Variants in IL1RAPL2 observed in about 807,000 individuals in gnomAD.
IL1RAPL2 encodes X-linked interleukin-1 receptor accessory protein-like 2.
A neutral mutation model predicts 44.1 loss-of-function variants in IL1RAPL2; 3 were observed. That is an observed-to-expected ratio of 0.07 (90% CI 0.03 to 0.18). IL1RAPL2 has a LOEUF of 0.18. Among genes scored for constraint, IL1RAPL2 ranks in the 10% least tolerant of loss-of-function variants. The pLI is 1.00. For synonymous variants in IL1RAPL2, 181 were observed against 178.8 expected (o/e 1.01, Z -0.10); for missense variants, 391 against 496.4 (o/e 0.79, Z 2.02).
intron 2 of IL1RAPL2, among the ~76,000 whole-genome samples, chrX:104,766,038 G>A (rs1280762728): frequency 8.9e-6 from 1 of 112,147 alleles, no homozygotes; most frequent in Non-Finnish European, 1.9e-5. Flanking sequence ...ATATTAGCTG[G>A]GAAAAGTACA....
At chrX:104,592,957 C>T (rs1180030129) in intron 1 of IL1RAPL2, among the ~76,000 whole-genome samples, 1 of 111,642 alleles carries the variant, frequency 9.0e-6, no homozygotes, top group African/African-American at 3.3e-5. Flanking sequence ...AGACAAATCC[C>T]ATCTCCCATG....
At chrX:105,699,279 G>GC (rs2038101333) in intron 6 of IL1RAPL2, among the ~76,000 whole-genome samples, 1 of 111,046 alleles carries the variant, frequency 9.0e-6, no homozygotes, top group Admixed American at 9.6e-5. Context: ...TCACCCAACT[G>GC]CCACAATATT....
At chrX:105,132,526 A>G (rs1368385457) in intron 2 of IL1RAPL2, among the ~76,000 whole-genome samples, 4 of 111,358 alleles carry the variant, frequency 3.6e-5, no homozygotes, top group African/African-American at 6.5e-5. Flanking sequence ...TTCCAGTATG[A>G]TAGTTTCACA....
chrX:104,674,506 T>C (rs1420293846), intron 2 of IL1RAPL2, among the ~76,000 whole-genome samples: 1 of 112,167 alleles, frequency 8.9e-6, no homozygotes, highest in Non-Finnish European at 1.9e-5. Flanking sequence ...TGCCAGTATT[T>C]TATTGAGGAT....
At chrX:104,700,417 C>CT (rs1931255644) in intron 2 of IL1RAPL2, among the ~76,000 whole-genome samples, 1 of 111,692 alleles carries the variant, frequency 9.0e-6, no homozygotes, top group African/African-American at 3.3e-5. Context: ...TCTGTATCCC[C>CT]TTTTCTTCTT....
In IL1RAPL2 at chrX:105,076,678, A is replaced by T. The variant is rs189201665; in HGVS notation, c.83-118797A>T. On this transcript the variant is annotated intron_variant, in intron 2 of 10. Transcript: ENST00000372582. ...TCCCATTATTATTGTGTGGTGGTCT[A>T]AGTCTCTTTGTAGGTCACTAAGGAC... is the stretch of plus-strand genomic sequence containing the variant. Among the ~76,000 whole-genome samples the T allele has an allele frequency of 7.5e-3, 839 of 111,276 alleles. 14 individuals are homozygous for T. Among genetic ancestry groups the T allele is most frequent in the African/African-American group, 0.026 (802 of 30,563 alleles).
At chrX:104,887,604 A>T (rs921222342) in intron 2 of IL1RAPL2, among the ~76,000 whole-genome samples, 1 of 111,663 alleles carries the variant, frequency 9.0e-6, no homozygotes, top group Non-Finnish European at 1.9e-5. Flanking sequence ...ACCTACTTAG[A>T]TACCAGGCAC....
chrX:105,543,954 AGCTC>A (rs2036766666), intron 6 of IL1RAPL2, among the ~76,000 whole-genome samples: 1 of 111,870 alleles, frequency 8.9e-6, no homozygotes, highest in Non-Finnish European at 1.9e-5. Flanking sequence ...TCTATTAAAA[AGCTC>A]ACTGGGATTT....
chrX:105,634,673 T>C (rs941899198), intron 6 of IL1RAPL2, among the ~76,000 whole-genome samples: 9 of 111,147 alleles, frequency 8.1e-5, no homozygotes, highest in African/African-American at 2.9e-4. Flanking sequence ...TTACAAAAGT[T>C]AGAGTTGAAA....
chrX:104,617,968 C>T (rs903126153), intron 1 of IL1RAPL2, among the ~76,000 whole-genome samples: 15 of 112,015 alleles, frequency 1.3e-4, no homozygotes, highest in African/African-American at 4.9e-4. Flanking sequence ...TCTGGAGACA[C>T]TGGCACTTCT....
rs929885301 is a variant in IL1RAPL2, at chrX:105,448,683, T to C, written c.698-35630T>C. On this transcript the variant is annotated intron_variant, in intron 5 of 10. Transcript: ENST00000372582. ...CCCGGCCTAAGGTCAATAACTCTTA[T>C]ATTTGCCCTTTCCAGGCTTTTTTCT... is the stretch of plus-strand genomic sequence containing the variant. 5.4e-5 allele frequency among the ~76,000 whole-genome samples: 6 copies of C among 111,053 alleles called. No individual in the cohort carries two copies. In the Admixed American group the frequency reaches 5.8e-4, roughly 11 times the overall value.
At chrX:104,587,841 C>T (rs939000485) in intron 1 of IL1RAPL2, among the ~76,000 whole-genome samples, 1 of 111,837 alleles carries the variant, frequency 8.9e-6, no homozygotes, top group Non-Finnish European at 1.9e-5. Context: ...GAAATAATAA[C>T]TTTGACCATT....
chrX:105,256,488 C>T (rs1427245030), intron 4 of IL1RAPL2, among the ~76,000 whole-genome samples: 1 of 109,838 alleles, frequency 9.1e-6, no homozygotes, highest in Non-Finnish European at 1.9e-5. Context: ...GCCACCGCAC[C>T]CAGCTAATTT....
chrX:104,695,194 G>A (rs1931157183), intron 2 of IL1RAPL2, among the ~76,000 whole-genome samples: 1 of 112,362 alleles, frequency 8.9e-6, no homozygotes, highest in African/African-American at 3.2e-5. Context: ...AATCTTTAGT[G>A]CTAATTGTGA....
At chrX:105,099,687 C>T (rs1159451621) in intron 2 of IL1RAPL2, among the ~76,000 whole-genome samples, 3 of 108,023 alleles carry the variant, frequency 2.8e-5, no homozygotes, top group Middle Eastern at 4.7e-3. Context: ...AGGATGGTCT[C>T]GATCTCCTGA....
intron 2 of IL1RAPL2, among the ~76,000 whole-genome samples, chrX:104,880,724 G>A (rs1348453215): frequency 1.8e-5 from 2 of 112,069 alleles, no homozygotes; most frequent in Admixed American, 9.5e-5. Context: ...TTCTTATCAC[G>A]CAAACTGTTC....
intron 2 of IL1RAPL2, among the ~76,000 whole-genome samples, chrX:105,077,066 G>A (rs916981415): frequency 3.6e-5 from 4 of 111,142 alleles, no homozygotes; most frequent in African/African-American, 1.3e-4. Context: ...ATTGTTATGT[G>A]TGAATTTGAT....
intron 2 of IL1RAPL2, among the ~76,000 whole-genome samples, chrX:104,719,643 T>G (rs1009281944): frequency 9.0e-6 from 1 of 111,550 alleles, no homozygotes; most frequent in Non-Finnish European, 1.9e-5. Context: ...ACTGAATGAA[T>G]GTTTAAAAGC....
intron 2 of IL1RAPL2, among the ~76,000 whole-genome samples, chrX:104,705,270 G>A (rs755257617): frequency 2.2e-4 from 25 of 111,393 alleles, no homozygotes; most frequent in African/African-American, 7.5e-4. Context: ...TAGTTAGGTT[G>A]TGGAGCATGG....
Sources: allele counts gnomAD v4.1 joint callset (sites outside exome capture counted in the v4.1 genomes callset), GRCh38; gene constraint gnomAD v4.1.1; transcripts MANE v1.5; gene names NCBI Gene and HGNC (gene_info 2026-07-23, HGNC 2026-07-21).